The following DAB1 variants were observed in gnomAD, a reference collection of about 807,000 sequenced individuals.
DAB1 encodes DAB adaptor protein 1, also known as disabled homolog 1.
Under a neutral mutation model 64.6 loss-of-function variants are expected in DAB1, and 15 were observed. The observed-to-expected ratio is 0.23, with a 90% CI of 0.16 to 0.36. The LOEUF is 0.36. Ranked by LOEUF, DAB1 falls within the 10% of genes least tolerant of loss-of-function variation. The pLI is 1.00. For missense variants in DAB1, 596 were observed against 706.7 expected, an observed-to-expected ratio of 0.84 and a Z score of 1.78; for synonymous variants, 235 against 251.9, an observed-to-expected ratio of 0.93 and a Z score of 0.64.
At chr1:57,645,445 C>T (rs1482374616) in intron 7 of DAB1, among the ~76,000 whole-genome samples, 1 of 152,130 alleles carries the variant, frequency 6.6e-6, no homozygotes, top group African/African-American at 2.4e-5. Flanking sequence ...TAGGAATTTT[C>T]ATTTTATAAG....
rs1166508247 is a variant in DAB1 at position 58,128,436 on chromosome 1, T to C, written n.387+22075A>G. On this transcript the variant is annotated intron_variant and non_coding_transcript_variant, in intron 5 of 20. Transcript: ENST00000485760. ...ACAATTTGACTTCCTCTTTTCCTAATTGAATACCCTTTATTTCCTTCTGCC... is the reference window on the plus strand; with the variant it reads ...ACAATTTGACTTCCTCTTTTCCTAACTGAATACCCTTTATTTCCTTCTGCC... 1.7e-4 allele frequency among the ~76,000 whole-genome samples: 23 copies of C among 134,040 alleles called. 3 individuals carry two copies. Among genetic ancestry groups the C allele is most frequent in the Non-Finnish European group, 3.4e-4 (22 of 64,142 alleles). The allele number at this position is 134,040 out of a possible 152,430, so 87.9% of individuals were successfully genotyped here. A position where few individuals can be genotyped will look rare whatever the true frequency, so the allele number is the denominator to read the frequency against.
chr1:57,900,965 T>C (rs953801744), intron 5 of DAB1, among the ~76,000 whole-genome samples: 1 of 152,040 alleles, frequency 6.6e-6, no homozygotes, highest in Non-Finnish European at 1.5e-5. Context: ...CTTGGATAAG[T>C]TTTTCTGGAA....
chr1:57,050,688 A>T (rs889634921), intron 9 of DAB1, among the ~76,000 whole-genome samples: 1 of 152,208 alleles, frequency 6.6e-6, no homozygotes, highest in Non-Finnish European at 1.5e-5. Context: ...CTATGCTCTC[A>T]TAGCATCTTG....
At chr1:57,434,559 T>C (rs1570514898) in intron 7 of DAB1, among the ~76,000 whole-genome samples, 1 of 152,384 alleles carries the variant, frequency 6.6e-6, no homozygotes, top group East Asian at 1.9e-4. Flanking sequence ...GTGTTGGTTA[T>C]ACAAGCAAAT....
chr1:57,942,578 G>A (rs1013497880), intron 5 of DAB1, among the ~76,000 whole-genome samples: 1 of 152,150 alleles, frequency 6.6e-6, no homozygotes, highest in African/African-American at 2.4e-5. Context: ...AGTACCATGT[G>A]CACCTTTCAA....
chr1:58,227,038 G>A (rs1659532474), intron 4 of DAB1, among the ~76,000 whole-genome samples: 1 of 152,222 alleles, frequency 6.6e-6, no homozygotes. Flanking sequence ...CCACTTTATA[G>A]AGGAGGAAAC....
chr1:57,908,558 G>T (rs1644592738), intron 5 of DAB1, among the ~76,000 whole-genome samples: 1 of 152,264 alleles, frequency 6.6e-6, no homozygotes, highest in African/African-American at 2.4e-5. Flanking sequence ...TGAGTGAAGA[G>T]ACTGACACAG....
intron 9 of DAB1, among the ~76,000 whole-genome samples, chr1:57,053,023 T>C (rs1649344213): frequency 6.6e-6 from 1 of 152,196 alleles, no homozygotes; most frequent in Non-Finnish European, 1.5e-5. Flanking sequence ...TAAAAGCACC[T>C]TCCCATCTTC....
chr1:57,286,913 A>G (rs1419130748), intron 2 of DAB1, among the ~76,000 whole-genome samples: 1 of 152,238 alleles, frequency 6.6e-6, no homozygotes, highest in Admixed American at 6.5e-5. Flanking sequence ...TTAAAAATCT[A>G]TCAGTTAAAT....
At chr1:58,238,079 G>A (rs1464299389) in intron 4 of DAB1, among the ~76,000 whole-genome samples, 1 of 152,122 alleles carries the variant, frequency 6.6e-6, no homozygotes, top group Non-Finnish European at 1.5e-5. Context: ...ATTCATTATT[G>A]TATTCATTTG....
At chr1:58,535,223 G>A (rs973470440) in intron 1 of DAB1, among the ~76,000 whole-genome samples, 6 of 152,148 alleles carry the variant, frequency 3.9e-5, no homozygotes, top group African/African-American at 1.2e-4. Context: ...ATATTCATGA[G>A]AGCTCTTTCA....
At chr1:57,385,786 A>T (rs1194874828) in intron 1 of DAB1, among the ~76,000 whole-genome samples, 1 of 152,232 alleles carries the variant, frequency 6.6e-6, no homozygotes, top group Non-Finnish European at 1.5e-5. Flanking sequence ...ACTCATTAAA[A>T]TGTCCCCAGA....
intron 7 of DAB1, among the ~76,000 whole-genome samples, chr1:57,609,084 C>T (rs1645694493): frequency 6.6e-6 from 1 of 152,108 alleles, no homozygotes; most frequent in African/African-American, 2.4e-5. Flanking sequence ...TATATCAAAC[C>T]TATTTATACC....
At chr1:58,311,705 A>T (rs1253888040) in intron 4 of DAB1, among the ~76,000 whole-genome samples, 1 of 152,014 alleles carries the variant, frequency 6.6e-6, no homozygotes, top group African/African-American at 2.4e-5. Flanking sequence ...TGGGTGCCAG[A>T]CTGTATCATG....
At chr1:58,065,644 A>G (rs1038376281) in intron 5 of DAB1, among the ~76,000 whole-genome samples, 1 of 152,262 alleles carries the variant, frequency 6.6e-6, no homozygotes, top group East Asian at 1.9e-4. Flanking sequence ...GCCATGGTCA[A>G]GTTGGCGGGC....
At chr1:57,133,640 G>A (rs943139649) in intron 4 of DAB1, among the ~76,000 whole-genome samples, 1 of 152,160 alleles carries the variant, frequency 6.6e-6, no homozygotes, top group Non-Finnish European at 1.5e-5. Flanking sequence ...AAGACAGGGT[G>A]TAAATTGCTG....
intron 1 of DAB1, among the ~76,000 whole-genome samples, chr1:57,859,864 G>A (rs190330409): frequency 1.7e-4 from 26 of 152,314 alleles, no homozygotes; most frequent in Middle Eastern, 6.8e-3. Context: ...GAAGGTAAAA[G>A]CTACTATTAG....
intron 3 of DAB1, among the ~76,000 whole-genome samples, chr1:58,375,764 T>C (rs1205782209): frequency 4.2e-5 from 6 of 144,358 alleles, no homozygotes; most frequent in Non-Finnish European, 9.3e-5. Context: ...ATGGTACCAG[T>C]TCCTCCTTGT....
intron 9 of DAB1, among the ~76,000 whole-genome samples, chr1:57,058,461 A>G (rs1173156808): frequency 1.3e-5 from 2 of 152,164 alleles, no homozygotes; most frequent in Non-Finnish European, 2.9e-5. Flanking sequence ...TCATTCATTT[A>G]CCACTTGAGC....
Sources: allele counts gnomAD v4.1 joint callset (sites outside exome capture counted in the v4.1 genomes callset), GRCh38; gene constraint gnomAD v4.1.1; transcripts MANE v1.5; gene names NCBI Gene and HGNC (gene_info 2026-07-23, HGNC 2026-07-21).